Variants in VPS33A observed in about 807,000 individuals in gnomAD.
The protein encoded by VPS33A is vacuolar protein sorting-associated protein 33A.
A neutral mutation model predicts 71.8 loss-of-function variants in VPS33A; 32 were observed. The observed-to-expected ratio is 0.45, with a 90% CI of 0.34 to 0.60. The LOEUF is 0.60. Ranked by LOEUF, VPS33A falls within the 20% of genes least tolerant of loss-of-function variation. VPS33A has a pLI of 0.02. For missense variants in VPS33A, 625 were observed against 748.5 expected (o/e 0.84, Z 1.92); for synonymous variants, 311 against 292.7 (o/e 1.06, Z -0.64).
rs570283106 is a variant in VPS33A at position 122,238,116 on chromosome 12, T to C, written c.1302+471A>G. 1.9e-4 allele frequency among the ~76,000 whole-genome samples: 29 copies of C among 152,222 alleles called. No homozygotes were observed. The South Asian group carries it at 5.8e-3, about 30-fold the overall frequency. On this transcript the variant is annotated intron_variant, in intron 10 of 12. Transcript: ENST00000267199. ...ATCACACAAATACAATAAACAGTGA[T>C]GGCTACCAAGACCAATTCCTCTAGG...
intron 7 of VPS33A, among the ~76,000 whole-genome samples, chr12:122,244,120 T>C (rs572267360): frequency 2.2e-4 from 33 of 152,010 alleles, no homozygotes; most frequent in African/African-American, 7.2e-4. Context: ...AAGCTCGGGG[T>C]TGCTGGGGAT....
chr12:122,252,736 T>G (rs1194462757), intron 4 of VPS33A: 1 of 152,198 alleles, frequency 6.6e-6, no homozygotes, highest in Non-Finnish European at 1.5e-5. Flanking sequence ...CCTGGGCCAG[T>G]TAGAGAATCT....
chr12:122,264,074 T>C (rs945951433), intron 2 of VPS33A, 60 bp downstream of exon 2: 3 of 1,369,770 alleles, frequency 2.2e-6, no homozygotes, highest in East Asian at 2.4e-5. Flanking sequence ...TAAAATCCTA[T>C]TGTAACTGCT....
chr12:122,263,423 T>A (rs1955024999), intron 3 of VPS33A, 149 bp downstream of exon 3: 1 of 931,792 alleles, frequency 1.1e-6, no homozygotes, highest in African/African-American at 1.7e-5. Context: ...GCCCCCATCT[T>A]CTCTTTTATA....
At chr12:122,246,668 C>T (rs1418533485) in intron 6 of VPS33A, among the ~76,000 whole-genome samples, 1 of 151,952 alleles carries the variant, frequency 6.6e-6, no homozygotes, top group Non-Finnish European at 1.5e-5. Flanking sequence ...GGCACGATCT[C>T]GGCTCACTGC....
chr12:122,260,540 C>G (rs1194228863), intron 4 of VPS33A, among the ~76,000 whole-genome samples: 1 of 151,960 alleles, frequency 6.6e-6, no homozygotes, highest in Non-Finnish European at 1.5e-5. Context: ...CTCAGGTGAT[C>G]CACCCGCCTC....
At chr12:122,249,731 T>C in intron 6 of VPS33A, 140 bp downstream of exon 6, 1 of 865,668 alleles carries the variant, frequency 1.2e-6, no homozygotes. Context: ...AAAAGGTCTG[T>C]ATTAATCTAC....
At position 122,263,705 on chromosome 12, in the gene VPS33A, C is replaced by G; in HGVS notation, c.169-6G>C. 4 of 1,600,548 alleles carry G rather than the reference C, an allele frequency of 2.5e-6. No homozygotes were observed. The highest frequency in any genetic ancestry group is 3.4e-6 in the Non-Finnish European group (4 of 1,171,106). On this transcript the variant is annotated splice_region_variant and splice_polypyrimidine_tract_variant and intron_variant, in intron 2 of 12. Transcript: ENST00000267199. The stretch of plus-strand genomic sequence containing the variant: ...ATTTTTTCCACTTCATGTTCCTAGG[C>G]AAACACATACACAAAAGGTTAACAA...
rs542007662 is a variant in VPS33A, at chr12:122,255,973, T to G, written c.484-4874A>C. ...TGCACATCACCACGTGTGGCTAGTTTTTTGTAAAGACAGGGCCTCACTCTG... is the reference window on the plus strand; with the variant it reads ...TGCACATCACCACGTGTGGCTAGTTGTTTGTAAAGACAGGGCCTCACTCTG... On this transcript the variant is annotated intron_variant, in intron 4 of 12. Coordinates refer to ENST00000267199, the MANE Select transcript of VPS33A (RefSeq NM_022916.6). Among the ~76,000 whole-genome samples the G allele has an allele frequency of 3.3e-5, 5 of 152,028 alleles. No homozygotes were observed. The East Asian group carries it at 9.7e-4, about 29-fold the overall frequency.
At position 122,232,944 on chromosome 12, in the gene VPS33A, A is replaced by G; in HGVS notation, c.1465T>C (p.Tyr489His). The change falls in exon 12 of 13, where the codon TAC (tyrosine) becomes CAC (histidine). Residue 489 changes from tyrosine (Y) to histidine (H), a missense_variant. By Grantham distance (83) the Tyr-to-His change is moderately conservative. Coordinates refer to ENST00000267199, the MANE Select transcript of VPS33A (RefSeq NM_022916.6). The part of the protein sequence containing the change: ...EQNPTDISYV[Y>H]SGYAPLSVRL... ...ACACTGAGCGGGGCATACCCACTGT[A>G]CACATACGATATGTCCGTGGGGTTC... 1.9e-6 allele frequency: 3 copies of G among 1,612,666 alleles called. No individual in the cohort carries two copies. The highest frequency in any genetic ancestry group is 2.5e-6 in the Non-Finnish European group (3 of 1,179,296).
intron 11 of VPS33A, 135 bp downstream of exon 11, chr12:122,235,651 T>C (rs1358487659): frequency 3.4e-6 from 4 of 1,176,100 alleles, no homozygotes; most frequent in Non-Finnish European, 3.6e-6. Flanking sequence ...AATACATGCA[T>C]ACATTACTTT....
In VPS33A at chr12:122,231,878, G is replaced by T; in HGVS notation, c.*368C>A. ...TTGAGACCAGCCTGGCCAACATGGT[G>T]AAACACCATGGCTACTAAAAATACA... On this transcript the variant is annotated 3_prime_UTR_variant, in exon 13 of 13. Transcript: ENST00000267199. The T allele has an allele frequency of 2.8e-6, 1 of 358,096 alleles. No individual in the cohort carries two copies. The highest frequency in any genetic ancestry group is 4.0e-5 in the East Asian group (1 of 24,848). 22.2% of individuals were successfully genotyped at this position (358,096 alleles called of 1,614,324 possible).
intron 6 of VPS33A, among the ~76,000 whole-genome samples, chr12:122,247,823 G>A (rs559334813): frequency 1.1e-4 from 17 of 152,156 alleles, no homozygotes; most frequent in East Asian, 9.7e-4. Flanking sequence ...CCACGAGTCC[G>A]TTTCCCTCTG....
chr12:122,265,641 G>C (rs1053879409), intron 1 of VPS33A: 15 of 409,566 alleles, frequency 3.7e-5, no homozygotes, highest in Admixed American at 7.5e-5. Flanking sequence ...TTTACCTCTT[G>C]GGGTTCTGTT....
chr12:122,244,575 T>C lies in VPS33A; in HGVS notation c.963A>G (p.Ala321=). 6.3e-7 allele frequency: 1 copy of C among 1,594,828 alleles called. No individual in the cohort carries two copies. The highest frequency in any genetic ancestry group is 8.6e-7 in the Non-Finnish European group (1 of 1,164,340). ...LSKKAKIISA[A]FEERHNAKTV... ...CACCCAAAACTTGCCTCACCTCGAA[T>C]GCTGCAGAGATGATCTTTGCTTTCT... The change falls in exon 7 of 13, where the codon GCA becomes GCG. Residue 321 remains alanine (A), a synonymous_variant. Transcript: ENST00000267199.
chr12:122,238,770 T>G, intron 9 of VPS33A, 46 bp from the exon 10 acceptor site: 2 of 871,992 alleles, frequency 2.3e-6, no homozygotes, highest in Non-Finnish European at 3.6e-6. Context: ...TACATATACA[T>G]ACACACACAC....
At position 122,251,020 on chromosome 12, in the gene VPS33A, G is replaced by A. The variant is rs150571876; in HGVS notation, c.563C>T (p.Thr188Met). 3.2e-5 allele frequency: 51 copies of A among 1,613,956 alleles called. No homozygotes were observed. The highest frequency in any genetic ancestry group is 4.5e-5 in the East Asian group (2 of 44,894). ...GLMTLQALYG[T>M]IPQIFGKGEC... is the part of the protein sequence containing the mutation. The stretch of plus-strand genomic sequence containing the variant: ...TCCTTTCCCAAAGATCTGGGGGATC[G>A]TTCCATACAGAGCTTGCAGGGTCAT... The change falls in exon 5 of 13, where the codon ACG (threonine) becomes ATG (methionine). Residue 188 changes from threonine to methionine, a missense_variant. Transcript: ENST00000267199.
chr12:122,241,789 C>T (rs1954718908), intron 8 of VPS33A, among the ~76,000 whole-genome samples: 2 of 152,106 alleles, frequency 1.3e-5, no homozygotes, highest in Admixed American at 6.6e-5. Context: ...GACAGGGTTT[C>T]GCCATGTTGC....
chr12:122,261,441 A>G lies in VPS33A; in HGVS notation c.303T>C (p.Asp101=), dbSNP rs889667495. Residue 101 remains aspartate (D), a synonymous_variant, in exon 4 of 13, where the codon GAT becomes GAC. Coordinates refer to ENST00000267199, the MANE Select transcript of VPS33A (RefSeq NM_022916.6). ...GAAAATCTCTCGTTGGGCCTCGTCT[A>G]TCTTCACTGCAAAGGAAGCAACATT... The part of the protein sequence containing the change: ...DIIAENVLSE[D]RRGPTRDFHI... The G allele has an allele frequency of 3.1e-6, 5 of 1,613,516 alleles. No individual in the cohort carries two copies. Among genetic ancestry groups the G allele is most frequent in the Non-Finnish European group, 4.2e-6 (5 of 1,179,876 alleles).
Sources: gnomAD v4.1 joint callset for allele counts (sites outside exome capture counted in the v4.1 genomes callset) on GRCh38, gnomAD v4.1.1 for gene constraint, MANE v1.5 for transcripts, NCBI Gene and HGNC (gene_info 2026-07-23, HGNC 2026-07-21) for gene names.